ZBED1: variants seen among roughly 807,000 people sequenced by gnomAD.
The protein encoded by ZBED1 is zinc finger BED-type containing 1, also known as E3 SUMO-protein ligase ZBED1.
Under a neutral mutation model 49.7 loss-of-function variants are expected in ZBED1, and 19 were observed. The ratio of observed to expected loss-of-function variants is 0.38; its 90% CI spans 0.27 to 0.56. ZBED1 has a LOEUF of 0.56. Ranked by LOEUF, ZBED1 falls within the 20% of genes least tolerant of loss-of-function variation. The probability of loss-of-function intolerance (pLI) is 0.70; values close to 1 mark genes in which losing one functional copy is unlikely to be tolerated. For synonymous variants in ZBED1, 439 were observed against 440.3 expected, an observed-to-expected ratio of 1.00 and a Z score of 0.04; for missense variants, 806 against 972.6, an observed-to-expected ratio of 0.83 and a Z score of 2.28.
intron 1 of ZBED1, among the ~76,000 whole-genome samples, chrX:2,498,592 A>G (rs1307082883): frequency 6.6e-6 from 1 of 150,486 alleles, no homozygotes; most frequent in Non-Finnish European, 1.5e-5. Context: ...GTCCTCTTTA[A>G]CAACCTTCTG....
Position 2,489,307 on chromosome X carries a change from C to A in ZBED1, c.1413G>T (p.Val471=). The change falls in exon 2 of 2, where the codon GTG becomes GTT. Residue 471 remains valine, a synonymous_variant. Transcript: ENST00000652001. ...ETPEIDMFLN[V]ATFLDPRYKR... The stretch of plus-strand genomic sequence containing the variant: ...TGTAGCGGGGGTCCAGGAAGGTGGC[C>A]ACGTTGAGAAACATGTCGATCTCGG... The A allele has an allele frequency of 1.9e-6, 3 of 1,613,906 alleles. No individual in the cohort carries two copies. The highest frequency in any genetic ancestry group is 1.7e-6 in the Non-Finnish European group (2 of 1,179,850).
At chrX:2,498,890 T>C (rs1356612646) in intron 1 of ZBED1, among the ~76,000 whole-genome samples, 2 of 152,162 alleles carry the variant, frequency 1.3e-5, no homozygotes. Flanking sequence ...AAACATGCTC[T>C]CCTGCCCTCC....
chrX:2,489,499 C>G lies in ZBED1; in HGVS notation c.1221G>C (p.Val407=). The G allele has an allele frequency of 6.2e-7, 1 of 1,613,476 alleles. No individual in the cohort carries two copies. The highest frequency in any genetic ancestry group is 1.3e-5 in the African/African-American group (1 of 75,010). ...LVELLQPFKQ[V]AEMLSASRYP... ...ACCTGGAGGCCGACAGCATCTCGGCCACCTGCTTGAAGGGCTGCAGGAGCT... is the reference window on the plus strand; with the variant it reads ...ACCTGGAGGCCGACAGCATCTCGGCGACCTGCTTGAAGGGCTGCAGGAGCT... Residue 407 remains valine, a synonymous_variant, in exon 2 of 2, where the codon GTG becomes GTC. Coordinates refer to ENST00000652001, the MANE Select transcript of ZBED1 (RefSeq NM_001171136.2).
At chrX:2,491,066 G>GTTTTTT (rs900738620) in intron 1 of ZBED1, among the ~76,000 whole-genome samples, 6 of 110,252 alleles carry the variant, frequency 5.4e-5, no homozygotes, top group African/African-American at 1.7e-4. Context: ...AGTGCCTTTA[G>GTTTTTT]TTTTTTTTTT....
At chrX:2,499,303 A>G (rs1319006217) in intron 1 of ZBED1, among the ~76,000 whole-genome samples, 1 of 152,204 alleles carries the variant, frequency 6.6e-6, no homozygotes, top group Non-Finnish European at 1.5e-5. Flanking sequence ...CTTAGGCTGG[A>G]CATTTAAGAC....
intron 1 of ZBED1, among the ~76,000 whole-genome samples, chrX:2,492,675 G>A (rs2045183494): frequency 1.3e-5 from 2 of 151,806 alleles, no homozygotes; most frequent in East Asian, 3.9e-4. Context: ...TGGAGACAGA[G>A]GCAGAGACTA....
At chrX:2,496,819 AT>A (rs2045296711) in intron 1 of ZBED1, among the ~76,000 whole-genome samples, 1 of 149,824 alleles carries the variant, frequency 6.7e-6, no homozygotes, top group South Asian at 2.1e-4. Flanking sequence ...TTACATCTAA[AT>A]TATATAAATA....
chrX:2,493,684 C>T (rs959313123), intron 1 of ZBED1, among the ~76,000 whole-genome samples: 1 of 151,940 alleles, frequency 6.6e-6, no homozygotes, highest in African/African-American at 2.4e-5. Context: ...GATTTTTATG[C>T]TGGCACCAGG....
chrX:2,498,508 G>C (rs1359522889), intron 1 of ZBED1, among the ~76,000 whole-genome samples: 1 of 151,682 alleles, frequency 6.6e-6, no homozygotes, highest in Non-Finnish European at 1.5e-5. Context: ...TTAATCTTTA[G>C]AGAAGGCCAT....
chrX:2,488,656 A>C lies in ZBED1; in HGVS notation c.2064T>G (p.Ile688Met). 6.2e-7 allele frequency: 1 copy of C among 1,609,492 alleles called. No individual in the cohort carries two copies. The highest frequency in any genetic ancestry group is 8.5e-7 in the Non-Finnish European group (1 of 1,178,180). The stretch of plus-strand genomic sequence containing the variant: ...CTCGCTACAGGAAGCTGCTGTCCCT[A>C]ATGCCAAAGAAACCGCCGCTGACGC... Reference protein sequence around the residue: ...GDGVSGGFFGIRDSSFL With the variant: ...GDGVSGGFFGMRDSSFL The change falls in exon 2 of 2, where the codon ATT becomes ATG. Residue 688 changes from isoleucine to methionine, a missense_variant. By Grantham distance (10) the Ile-to-Met change is conservative (BLOSUM62 1). Transcript: ENST00000652001.
intron 1 of ZBED1, among the ~76,000 whole-genome samples, chrX:2,494,184 C>G (rs1158514413): frequency 6.6e-6 from 1 of 151,396 alleles, no homozygotes; most frequent in Admixed American, 6.6e-5. Context: ...TGCCTGGGGC[C>G]AAGGTTTATA....
intron 1 of ZBED1, among the ~76,000 whole-genome samples, chrX:2,492,175 C>A (rs1235590764): frequency 6.6e-6 from 1 of 152,070 alleles, no homozygotes; most frequent in Non-Finnish European, 1.5e-5. Flanking sequence ...TGTATGGGAC[C>A]TTGTTTGGAA....
rs1239076076 is a variant in ZBED1 at position 2,490,158 on chromosome X, G to C, written c.562C>G (p.Leu188Val). The change falls in exon 2 of 2, where the codon CTG (leucine) becomes GTG (valine). Residue 188 changes from leucine to valine, a missense_variant. Physicochemically the swap from Leu to Val is conservative, Grantham distance 32. Coordinates refer to ENST00000652001, the MANE Select transcript of ZBED1 (RefSeq NM_001171136.2). ...GAVREVILKELAEATWCGIST... is the reference protein window; with the variant it reads ...GAVREVILKEVAEATWCGIST... The stretch of plus-strand genomic sequence containing the variant: ...ATGCCACACCAGGTGGCCTCGGCCA[G>C]CTCCTTCAGGATCACCTCCCGGACG... 5 of 1,613,968 alleles carry C rather than the reference G, an allele frequency of 3.1e-6. No individual in the cohort carries two copies. In the East Asian group the frequency reaches 1.1e-4, roughly 36 times the overall value.
chrX:2,492,335 C>CA (rs2045173111), intron 1 of ZBED1, among the ~76,000 whole-genome samples: 1 of 152,086 alleles, frequency 6.6e-6, no homozygotes, highest in Non-Finnish European at 1.5e-5. Context: ...CACATGGAGA[C>CA]AGAGGCCGAG....
At chrX:2,500,710 C>G (rs1227529682) in intron 1 of ZBED1, 107 bp downstream of exon 1, 1 of 251,044 alleles carries the variant, frequency 4.0e-6, no homozygotes, top group African/African-American at 2.6e-5. Flanking sequence ...CTTCCGGGAG[C>G]GCCACCGCCT....
rs759623239 is a variant in ZBED1, at chrX:2,490,387, G to A, written c.333C>T (p.Ala111=). Residue 111 remains alanine, a synonymous_variant, in exon 2 of 2, where the codon GCC becomes GCT. Coordinates refer to ENST00000652001, the MANE Select transcript of ZBED1 (RefSeq NM_001171136.2). ...SSQQPGQDAL[A]VKAGHGYDSK... ...TGTCGTAGCCGTGGCCGGCCTTGAC[G>A]GCCAGCGCGTCCTGCCCGGGCTGCT... 6.9e-5 allele frequency: 112 copies of A among 1,613,660 alleles called. No homozygotes were observed. Among genetic ancestry groups the A allele is most frequent in the Non-Finnish European group, 8.1e-5 (96 of 1,179,864 alleles).
rs199776143 is a variant in ZBED1 at position 2,489,232 on chromosome X, G to A, written c.1488C>T (p.Arg496=). Residue 496 remains arginine (R), a synonymous_variant, in exon 2 of 2, where the codon CGC becomes CGT. Transcript: ENST00000652001. ...GCAGGCCCTTGGCCTCTTCCACCAC[G>A]CGATTCTCCACCTGCTGCCGCTCGA... ...SAFERQQVEN[R]VVEEAKGLLD... is the part of the protein sequence containing the mutation. The A allele has an allele frequency of 3.6e-5, 58 of 1,613,858 alleles. 1 individual carries two copies. In the East Asian group the frequency reaches 7.6e-4, roughly 21 times the overall value.
At chrX:2,493,696 A>G (rs2045215149) in intron 1 of ZBED1, among the ~76,000 whole-genome samples, 1 of 152,112 alleles carries the variant, frequency 6.6e-6, no homozygotes. Flanking sequence ...GGCACCAGGC[A>G]CAGCGGCTCA....
In ZBED1 at chrX:2,489,072, C is replaced by T. The variant is rs755414228; in HGVS notation, c.1648G>A (p.Glu550Lys). 19 of 1,613,804 alleles carry T rather than the reference C, an allele frequency of 1.2e-5. No homozygotes were observed. The highest frequency in any genetic ancestry group is 2.7e-5 in the African/African-American group (2 of 74,948). The change falls in exon 2 of 2, where the codon GAG becomes AAG. Residue 550 changes from glutamate to lysine, a missense_variant. By Grantham distance (56) the Glu-to-Lys change is moderately conservative (BLOSUM62 1). This residue lies in a region of ZBED1 where 749 missense variants were observed against 861.3 expected (regional missense o/e 0.87). Coordinates refer to ENST00000652001, the MANE Select transcript of ZBED1 (RefSeq NM_001171136.2). Reference protein sequence around the residue: ...PASVINNMLAEIFCQTGGVED... With the variant: ...PASVINNMLAKIFCQTGGVED... ...ACGCCGCCTGTCTGGCAGAAGATCTCGGCCAGCATGTTGTTGATGACGCTG... is the reference window on the plus strand; with the variant it reads ...ACGCCGCCTGTCTGGCAGAAGATCTTGGCCAGCATGTTGTTGATGACGCTG...
Sources: allele counts gnomAD v4.1 joint callset (sites outside exome capture counted in the v4.1 genomes callset), GRCh38; gene constraint gnomAD v4.1.1; regional missense constraint gnomAD v4.1.1; transcripts MANE v1.5; gene names NCBI Gene and HGNC (gene_info 2026-07-23, HGNC 2026-07-21).